Variants in L3MBTL4 observed in about 807,000 individuals in gnomAD.
L3MBTL4 encodes L3MBTL histone methyl-lysine binding protein 4.
Under a neutral mutation model 84.5 loss-of-function variants are expected in L3MBTL4, and 70 were observed. That is an observed-to-expected ratio of 0.83 (90% confidence interval 0.68 to 1.01). L3MBTL4 has a LOEUF of 1.01. Ranked by LOEUF, L3MBTL4 falls within the 50% of genes least tolerant of loss-of-function variation. L3MBTL4 has a pLI of 0.00. For missense variants in L3MBTL4, 715 were observed against 754.8 expected, an observed-to-expected ratio of 0.95 and a Z score of 0.62; for synonymous variants, 274 against 259.8, an observed-to-expected ratio of 1.05 and a Z score of -0.52.
chr18:6,065,414 A>C (rs956478540), intron 16 of L3MBTL4, among the ~76,000 whole-genome samples: 1 of 152,062 alleles, frequency 6.6e-6, no homozygotes, highest in Non-Finnish European at 1.5e-5. Flanking sequence ...CTGTTTCAGT[A>C]GAATTGGTAC....
chr18:6,026,114 C>T (rs1162429373), intron 16 of L3MBTL4, among the ~76,000 whole-genome samples: 2 of 152,190 alleles, frequency 1.3e-5, no homozygotes, highest in Non-Finnish European at 2.9e-5. Context: ...GTCTTTTCCT[C>T]CCATTGATTC....
chr18:6,414,077 C>G lies in L3MBTL4; in HGVS notation c.-91+724G>C, dbSNP rs1379159836. ...TGGGACCAAGCGGGCCCAAGAAGGC[C>G]CGGAGAGCAGGCGAGGGCGACTGTG... On this transcript the variant is annotated intron_variant, in intron 1 of 18. Transcript: ENST00000317931. This position sits in a 1 kb window ranked among gnomAD's most constrained non-coding sequence, Gnocchi z 5.4. The G allele has an allele frequency of 6.6e-6, 1 of 152,270 alleles. No homozygotes were observed. The highest frequency in any genetic ancestry group is 2.4e-5 in the African/African-American group (1 of 41,472). 9.4% of individuals were successfully genotyped at this position (152,270 alleles called of 1,614,324 possible). A position where few individuals can be genotyped will look rare whatever the true frequency, so the allele number is the denominator to read the frequency against.
rs2059415716 is a variant in L3MBTL4, at chr18:6,118,208, A to ACACACACACACACACACACACACAC, written c.1199+19985_1199+19986insGTGTGTGTGTGTGTGTGTGTGTGTG. Among the ~76,000 whole-genome samples the ACACACACACACACACACACACACAC allele has an allele frequency of 9.2e-5, 13 of 141,848 alleles. No individual in the cohort carries two copies. The South Asian group carries it at 9.5e-4, about 10-fold the overall frequency. The allele number at this position is 141,848 out of a possible 152,430, so 93.1% of individuals were successfully genotyped here. On this transcript the variant is annotated intron_variant, in intron 14 of 18. Transcript: ENST00000317931. ...TCTCTCTGTCTCTTAAACACACACA[A>ACACACACACACACACACACACACAC]ACACACACACACACACACACGAGCA...
chr18:6,337,762 G>A (rs189977724), intron 1 of L3MBTL4, among the ~76,000 whole-genome samples: 256 of 152,162 alleles, frequency 1.7e-3, no homozygotes, highest in African/African-American at 5.5e-3. Flanking sequence ...TAAGTTCAGC[G>A]ACTAGTTTAC....
intron 16 of L3MBTL4, among the ~76,000 whole-genome samples, chr18:6,020,534 A>G (rs573778264): frequency 6.6e-6 from 1 of 152,256 alleles, no homozygotes; most frequent in African/African-American, 2.4e-5. Flanking sequence ...AACAAGGAGA[A>G]TAAGATGTAG....
intron 1 of L3MBTL4, among the ~76,000 whole-genome samples, chr18:6,377,891 T>C (rs185800370): frequency 2.6e-5 from 4 of 152,272 alleles, no homozygotes; most frequent in Admixed American, 6.5e-5. Flanking sequence ...CCTTGAGGAA[T>C]TGCCATGTCT....
intron 9 of L3MBTL4, 148 bp from the exon 10 acceptor site, chr18:6,238,188 A>G (rs2047296579): frequency 2.9e-6 from 2 of 691,748 alleles, no homozygotes; most frequent in East Asian, 5.3e-5. Context: ...TCAGTACTGC[A>G]TTAGTAGGCT....
At chr18:6,261,962 C>T (rs1487983858) in intron 5 of L3MBTL4, among the ~76,000 whole-genome samples, 1 of 152,122 alleles carries the variant, frequency 6.6e-6, no homozygotes, top group Non-Finnish European at 1.5e-5. Flanking sequence ...TTAATTCTGG[C>T]GGCAGAGTGG....
At chr18:6,151,660 G>A (rs759894647) in intron 13 of L3MBTL4, among the ~76,000 whole-genome samples, 5 of 152,126 alleles carry the variant, frequency 3.3e-5, no homozygotes, top group African/African-American at 1.2e-4. Context: ...CTCCCAAAGT[G>A]CTGGGATTAC....
intron 12 of L3MBTL4, among the ~76,000 whole-genome samples, chr18:6,191,976 C>T (rs369487549): frequency 2.0e-5 from 3 of 147,634 alleles, no homozygotes; most frequent in Non-Finnish European, 3.0e-5. Flanking sequence ...GGTGATAGAG[C>T]GAGTATCCCT....
chr18:6,030,911 T>C, intron 16 of L3MBTL4: 1 of 985,168 alleles, frequency 1.0e-6, no homozygotes. Context: ...CCAGAGGTTT[T>C]TCCCTTTATA....
Position 6,239,554 on chromosome 18 carries a change from T to G in L3MBTL4, c.707+164A>C, listed in dbSNP as rs1391694245. On this transcript the variant is annotated intron_variant, in intron 9 of 18. Coordinates refer to ENST00000317931, the MANE Select transcript of L3MBTL4 (RefSeq NM_001330559.2). ...TGGAGAAGTTTCTAGGGCTCTTTAA[T>G]TCAGTAATTCACATGGAAGAGAAGG... 2.0e-5 allele frequency among the ~76,000 whole-genome samples: 3 copies of G among 152,236 alleles called. No individual in the cohort carries two copies. The East Asian group carries it at 5.8e-4, about 29-fold the overall frequency.
intron 16 of L3MBTL4, among the ~76,000 whole-genome samples, chr18:5,991,986 GCATCCATCCATC>G (rs35529758): frequency 3.0e-4 from 45 of 149,094 alleles, no homozygotes; most frequent in Admixed American, 8.0e-4. Flanking sequence ...TCCATCCAGT[GCATCCATCCATC>G]CATCCATCCA....
At position 5,969,478 on chromosome 18, in the gene L3MBTL4, G is replaced by A; in HGVS notation, c.1529C>T (p.Pro510Leu). Residue 510 changes from proline (P) to leucine (L), a missense_variant, in exon 17 of 19, where the codon CCC becomes CTC. Transcript: ENST00000317931. The part of the protein sequence containing the change: ...TVSAHPFRDL[P>L]LGREQHCKLL... ...CTTGCAGTGTTGCTCCCTGCCGAGG[G>A]GAAGGTCCCGAAAAGGGTGGGCTGA... is the stretch of plus-strand genomic sequence containing the variant. 1.2e-6 allele frequency: 2 copies of A among 1,614,074 alleles called. No individual in the cohort carries two copies. Among genetic ancestry groups the A allele is most frequent in the Non-Finnish European group, 1.7e-6 (2 of 1,180,026 alleles).
intron 12 of L3MBTL4, among the ~76,000 whole-genome samples, chr18:6,209,334 G>A (rs956032426): frequency 1.3e-5 from 2 of 151,338 alleles, no homozygotes; most frequent in African/African-American, 4.9e-5. Context: ...CAAACACTGG[G>A]CAAGGTATTT....
intron 16 of L3MBTL4, among the ~76,000 whole-genome samples, chr18:6,067,064 T>A (rs2057425426): frequency 6.6e-6 from 1 of 152,166 alleles, no homozygotes; most frequent in Non-Finnish European, 1.5e-5. Flanking sequence ...GAAGCTTAGT[T>A]TTTCTGGATA....
intron 6 of L3MBTL4, 100 bp downstream of exon 6, chr18:6,244,384 G>T (rs1414448824): frequency 1.4e-5 from 10 of 740,186 alleles, no homozygotes; most frequent in Non-Finnish European, 2.3e-5. Flanking sequence ...TAATGCACTG[G>T]AACTTCTTCA....
intron 1 of L3MBTL4, among the ~76,000 whole-genome samples, chr18:6,344,470 T>C (rs775413213): frequency 6.6e-6 from 1 of 152,194 alleles, no homozygotes; most frequent in Non-Finnish European, 1.5e-5. Flanking sequence ...TAAGAAGAAC[T>C]AACACCAATC....
At chr18:6,295,534 A>G (rs913795412) in intron 4 of L3MBTL4, among the ~76,000 whole-genome samples, 4 of 151,892 alleles carry the variant, frequency 2.6e-5, no homozygotes, top group Non-Finnish European at 4.4e-5. Context: ...ACAGAATCCT[A>G]CGGAGGGGGG....
Sources: allele counts gnomAD v4.1 joint callset (sites outside exome capture counted in the v4.1 genomes callset), GRCh38; gene constraint gnomAD v4.1.1; non-coding constraint Gnocchi (gnomAD v3.1); transcripts MANE v1.5; gene names NCBI Gene and HGNC (gene_info 2026-07-23, HGNC 2026-07-21).